GSTT4: variants seen among roughly 807,000 people sequenced by gnomAD.
GSTT4 encodes glutathione S-transferase theta 4.
At chr22:24,003,199 T>C (rs946549278) in intron 2 of GSTT4, among the ~76,000 whole-genome samples, 8 of 151,868 alleles carry the variant, frequency 5.3e-5, no homozygotes, top group Non-Finnish European at 8.8e-5. Flanking sequence ...TAAACATTTA[T>C]TGATTTATTT....
intron 2 of GSTT4, 28 bp downstream of exon 2, chr22:24,003,732 T>C (rs1227126205): frequency 6.4e-6 from 1 of 155,288 alleles, no homozygotes; most frequent in Admixed American, 6.5e-5. Flanking sequence ...CAGAGACAGA[T>C]GGTGCAAGGG....
downstream of GSTT4, among the ~76,000 whole-genome samples, chr22:23,997,859 T>C (rs5996650): frequency 0.23 from 35,529 of 151,256 alleles, 4,279 homozygotes; most frequent in African/African-American, 0.43. Flanking sequence ...TCTGGGCATG[T>C]TGTGTTTTCA....
Position 23,998,534 on chromosome 22 carries a change from G to A in GSTT4, c.*8C>T, listed in dbSNP as rs1390771511. On this transcript the variant is annotated 3_prime_UTR_variant, in exon 5 of 5. Coordinates refer to ENST00000621179, the MANE Select transcript of GSTT4 (RefSeq NM_001358664.2). The stretch of plus-strand genomic sequence containing the variant: ...AGCCAGGCCCTGCGGGACAGGCTGC[G>A]CCTAGGGTCACCTGCTCTTCTTCAG... 3 of 136,990 alleles carry A rather than the reference G, an allele frequency of 2.2e-5. No individual in the cohort carries two copies. Among genetic ancestry groups the A allele is most frequent in the African/African-American group, 8.2e-5 (3 of 36,634 alleles). 8.5% of individuals were successfully genotyped at this position (136,990 alleles called of 1,614,324 possible). A position where few individuals can be genotyped will look rare whatever the true frequency, so the allele number is the denominator to read the frequency against.
the GSTT4 span, among the ~76,000 whole-genome samples, chr22:23,990,437 A>C: frequency 3.6e-5 from 2 of 55,592 alleles, no homozygotes; most frequent in East Asian, 7.5e-4. Context: ...TGGCAAAATC[A>C]CGCGTCTACA....
chr22:23,997,435 C>A (rs1272626632), downstream of GSTT4, among the ~76,000 whole-genome samples: 1 of 152,046 alleles, frequency 6.6e-6, no homozygotes, highest in Non-Finnish European at 1.5e-5. Context: ...GTTACCCAGG[C>A]TGTTCTCAAT....
the GSTT4 span, among the ~76,000 whole-genome samples, chr22:23,991,797 G>T: frequency 6.2e-3 from 874 of 140,300 alleles, no homozygotes; most frequent in African/African-American, 0.02. Context: ...GCTCACGCCT[G>T]TAATCCCAGC....
At chr22:23,994,917 C>T (rs2034100912), downstream of GSTT4, among the ~76,000 whole-genome samples, 1 of 152,102 alleles carries the variant, frequency 6.6e-6, no homozygotes, top group Admixed American at 6.6e-5. Flanking sequence ...AATACTACTA[C>T]TCATCAGGGT....
intron 2 of GSTT4, among the ~76,000 whole-genome samples, chr22:24,002,845 A>AC (rs1246934799): frequency 4.1e-4 from 14 of 34,450 alleles, no homozygotes; most frequent in Non-Finnish European, 1.0e-3. Context: ...AAAAAAAAAA[A>AC]AAAAACTTCT....
chr22:23,997,099 G>T (rs2146223451), downstream of GSTT4, among the ~76,000 whole-genome samples: 1 of 152,004 alleles, frequency 6.6e-6, no homozygotes, highest in East Asian at 1.9e-4. Flanking sequence ...TTTCATCTAG[G>T]TTGTCTAAAT....
the GSTT4 span, among the ~76,000 whole-genome samples, chr22:23,989,705 C>G: frequency 4.6e-5 from 7 of 151,390 alleles, no homozygotes; most frequent in East Asian, 2.0e-4. Flanking sequence ...AGCTCTTCTT[C>G]CTTTCTTATG....
downstream of GSTT4, among the ~76,000 whole-genome samples, chr22:23,994,325 A>G (rs1335821701): frequency 1.3e-5 from 2 of 151,964 alleles, no homozygotes; most frequent in Non-Finnish European, 2.9e-5. Context: ...GTATATTAAC[A>G]AAGTTTTGTC....
intron 2 of GSTT4, among the ~76,000 whole-genome samples, chr22:24,001,566 G>T (rs1291035800): frequency 6.6e-6 from 1 of 152,274 alleles, no homozygotes; most frequent in African/African-American, 2.4e-5. Flanking sequence ...CCAGCAGGGG[G>T]AACAACACGT....
intron 2 of GSTT4, among the ~76,000 whole-genome samples, chr22:24,003,268 A>G (rs949586356): frequency 1.1e-5 from 1 of 91,910 alleles, no homozygotes; most frequent in Non-Finnish European, 2.5e-5. Flanking sequence ...CTGAAGTGCA[A>G]CGACGCAGTC....
At chr22:24,000,970 A>G (rs1646302886) in intron 3 of GSTT4, among the ~76,000 whole-genome samples, 1 of 101,790 alleles carries the variant, frequency 9.8e-6, no homozygotes, top group African/African-American at 4.3e-5. Context: ...CCTCGCCCTA[A>G]TAAGACTCTT....
chr22:23,996,526 G>A (rs571185217), downstream of GSTT4, among the ~76,000 whole-genome samples: 66 of 152,252 alleles, frequency 4.3e-4, no homozygotes, highest in African/African-American at 1.3e-3. Context: ...TTCCTTTCTC[G>A]TCTTCATCTG....
chr22:23,991,825 G>C, the GSTT4 span, among the ~76,000 whole-genome samples: 3 of 135,234 alleles, frequency 2.2e-5, no homozygotes, highest in Admixed American at 1.5e-4. Flanking sequence ...GAGACCGAGG[G>C]GGGTGGATCA....
rs538756223 is a variant in GSTT4 at position 24,004,667 on chromosome 22, G to C, written c.112+578C>G. On this transcript the variant is annotated intron_variant, in intron 1 of 4. Coordinates refer to ENST00000621179, the MANE Select transcript of GSTT4 (RefSeq NM_001358664.2). ...TCCTAGAATCCCACAAGGAAGCCAG[G>C]GTGCCTGGTGGGAGCCCAGGGAGTC... 1.1e-4 allele frequency: 17 copies of C among 153,982 alleles called. No homozygotes were observed. In the Admixed American group the frequency reaches 1.1e-3, roughly 10 times the overall value. 9.5% of individuals were successfully genotyped at this position (153,982 alleles called of 1,614,324 possible).
At chr22:23,989,898 A>G in the GSTT4 span, among the ~76,000 whole-genome samples, 1 of 150,898 alleles carries the variant, frequency 6.6e-6, no homozygotes, top group African/African-American at 2.4e-5. Flanking sequence ...CTGAATGGAC[A>G]TGCACACCCC....
At chr22:24,000,689 G>T (rs2034210649) in intron 3 of GSTT4, among the ~76,000 whole-genome samples, 2 of 143,768 alleles carry the variant, frequency 1.4e-5, no homozygotes, top group African/African-American at 2.9e-5. Flanking sequence ...GTCCTGAGTA[G>T]CTGGGATTAC....
Sources: gnomAD v4.1 joint callset for allele counts (sites outside exome capture counted in the v4.1 genomes callset) on GRCh38, gnomAD v4.1.1 for gene constraint, MANE v1.5 for transcripts, NCBI Gene and HGNC (gene_info 2026-07-23, HGNC 2026-07-21) for gene names.